Variants in GRIK3 observed in about 807,000 individuals in gnomAD.
The protein encoded by GRIK3 is glutamate ionotropic receptor kainate type subunit 3, also known as glutamate receptor ionotropic, kainate 3.
GRIK3 carries 29 observed loss-of-function variants against 102.5 expected under a neutral mutation model. The ratio of observed to expected loss-of-function variants is 0.28; its 90% CI spans 0.21 to 0.39. The LOEUF is 0.39. GRIK3 is among the 10% of genes least tolerant of loss of function. The pLI is 1.00. For synonymous variants in GRIK3, 511 were observed against 504.9 expected (o/e 1.01, Z -0.16); for missense variants, 908 against 1,252.4 (o/e 0.73, Z 4.15).
chr1:36,901,406 T>C (rs1269187303), intron 1 of GRIK3, among the ~76,000 whole-genome samples: 2 of 152,140 alleles, frequency 1.3e-5, no homozygotes, highest in African/African-American at 4.8e-5. Context: ...TGTAATCCAT[T>C]ATATCAGTAT....
At position 36,841,967 on chromosome 1, in the gene GRIK3, C is replaced by A. The variant is rs375374015; in HGVS notation, c.1327-28G>T. The A allele has an allele frequency of 3.1e-6, 5 of 1,588,810 alleles. No homozygotes were observed. The South Asian group carries it at 5.5e-5, about 18-fold the overall frequency. ...GCAGAGACAGATGGGCAGGGTGTGA[C>A]GAAGACTGAGCAGCTAGGGCGGAGG... On this transcript the variant is annotated intron_variant, in intron 9 of 15. Transcript: ENST00000373091.
intron 12 of GRIK3, among the ~76,000 whole-genome samples, chr1:36,818,900 G>T (rs1388572499): frequency 6.6e-6 from 1 of 152,184 alleles, no homozygotes; most frequent in African/African-American, 2.4e-5. Context: ...TAAGATAAGA[G>T]ACTCTGGACA....
At chr1:36,882,410 G>A (rs1225291569) in intron 2 of GRIK3, among the ~76,000 whole-genome samples, 1 of 152,156 alleles carries the variant, frequency 6.6e-6, no homozygotes, top group African/African-American at 2.4e-5. Flanking sequence ...CTCAAAATGG[G>A]GGATTCTGCC....
chr1:36,846,356 G>T lies in GRIK3; in HGVS notation c.1326+3955C>A, dbSNP rs144680146. ...AGGCATCTTTAGCACCTAACGCTGGGGGTTTAGGAGAGGGGAGAATAGCAG... is the reference window on the plus strand; with the variant it reads ...AGGCATCTTTAGCACCTAACGCTGGTGGTTTAGGAGAGGGGAGAATAGCAG... On this transcript the variant is annotated intron_variant, in intron 9 of 15. Transcript: ENST00000373091. Among the ~76,000 whole-genome samples, 490 of 152,302 alleles carry T rather than the reference G, an allele frequency of 3.2e-3. 3 individuals carry two copies. Among genetic ancestry groups the T allele is most frequent in the African/African-American group, 0.01 (425 of 41,570 alleles).
At chr1:36,838,565 C>G (rs561352120) in intron 10 of GRIK3, among the ~76,000 whole-genome samples, 11 of 152,256 alleles carry the variant, frequency 7.2e-5, no homozygotes, top group Non-Finnish European at 1.6e-4. Context: ...CCCCATCTTC[C>G]TCTGTAACCC....
intron 1 of GRIK3, among the ~76,000 whole-genome samples, chr1:37,009,643 A>G (rs184624025): frequency 6.6e-6 from 1 of 152,254 alleles, no homozygotes; most frequent in East Asian, 1.9e-4. Context: ...AGCCCATGTT[A>G]CCAGAGTTCA....
In GRIK3 at chr1:36,795,630, C is replaced by T. The variant is rs1411467248; in HGVS notation, c.*6221G>A. Reference sequence around the variant, plus strand: ...ACAGTGTCTTAAAAAGGAAAATAATCAGATTTGTTTGGAAATTTATTTACA... The same window carrying T: ...ACAGTGTCTTAAAAAGGAAAATAATTAGATTTGTTTGGAAATTTATTTACA... On this transcript the variant is annotated 3_prime_UTR_variant, in exon 16 of 16. Transcript: ENST00000373091. 1.3e-5 allele frequency: 2 copies of T among 152,182 alleles called. No individual in the cohort carries two copies. The highest frequency in any genetic ancestry group is 2.9e-5 in the Non-Finnish European group (2 of 68,034). The allele number at this position is 152,182 out of a possible 1,614,324, so 9.4% of individuals were successfully genotyped here.
At chr1:36,846,541 C>A (rs1295414953) in intron 9 of GRIK3, among the ~76,000 whole-genome samples, 2 of 152,190 alleles carry the variant, frequency 1.3e-5, no homozygotes, top group Admixed American at 1.3e-4. Context: ...TACCTTGGGA[C>A]CTGCCTGTCA....
chr1:36,870,774 C>T (rs1432360090), intron 4 of GRIK3, among the ~76,000 whole-genome samples: 1 of 152,198 alleles, frequency 6.6e-6, no homozygotes, highest in Non-Finnish European at 1.5e-5. Context: ...CCTCAGTTTC[C>T]TTACCTATAA....
At chr1:37,002,281 T>C (rs1320553041) in intron 1 of GRIK3, among the ~76,000 whole-genome samples, 2 of 152,216 alleles carry the variant, frequency 1.3e-5, no homozygotes, top group Non-Finnish European at 2.9e-5. Context: ...GTTGGGCATA[T>C]AGTCAAAGAA....
chr1:36,961,994 A>G (rs1642015880), intron 1 of GRIK3, among the ~76,000 whole-genome samples: 1 of 152,156 alleles, frequency 6.6e-6, no homozygotes, highest in African/African-American at 2.4e-5. Flanking sequence ...TGCTCTGGGG[A>G]TGCAGATGAA....
At chr1:36,822,739 G>T (rs1642709575) in intron 11 of GRIK3, among the ~76,000 whole-genome samples, 1 of 152,090 alleles carries the variant, frequency 6.6e-6, no homozygotes, top group African/African-American at 2.4e-5. Flanking sequence ...GCTGCAATGT[G>T]GCCCCCAGGA....
At chr1:36,973,822 C>T (rs1642168785) in intron 1 of GRIK3, among the ~76,000 whole-genome samples, 1 of 152,202 alleles carries the variant, frequency 6.6e-6, no homozygotes, top group Non-Finnish European at 1.5e-5. Context: ...TATGATGCTG[C>T]GTGCCACATC....
chr1:36,949,767 A>AG lies in GRIK3; in HGVS notation c.116-58672dup, dbSNP rs201463391. On this transcript the variant is annotated intron_variant, in intron 1 of 15. Transcript: ENST00000373091. ...TACTTTTTGTATATTTATTAGAGACAGGGGGGTCACCATGTTGGCCAGGAT... is the reference window on the plus strand; with the variant it reads ...TACTTTTTGTATATTTATTAGAGACAGGGGGGGTCACCATGTTGGCCAGGAT... 6.3e-3 allele frequency among the ~76,000 whole-genome samples: 962 copies of AG among 152,012 alleles called. 6 individuals carry two copies. Among genetic ancestry groups the AG allele is most frequent in the Admixed American group, 0.017 (257 of 15,262 alleles).
chr1:36,968,308 T>A (rs557022241), intron 1 of GRIK3, among the ~76,000 whole-genome samples: 3 of 151,824 alleles, frequency 2.0e-5, no homozygotes, highest in African/African-American at 7.3e-5. Context: ...CATAGATTTA[T>A]TTTTGTCTCC....
chr1:36,848,788 T>TG, intron 9 of GRIK3, among the ~76,000 whole-genome samples: 1 of 152,044 alleles, frequency 6.6e-6, no homozygotes, highest in Admixed American at 6.5e-5. Context: ...ATCACAGGTT[T>TG]TTTTTTTTTT....
chr1:36,942,455 T>C (rs1212583675), intron 1 of GRIK3, among the ~76,000 whole-genome samples: 1 of 152,168 alleles, frequency 6.6e-6, no homozygotes, highest in Non-Finnish European at 1.5e-5. Flanking sequence ...CAGTGAAGTG[T>C]GAATACTCTC....
chr1:37,030,216 T>C (rs1403246336), intron 1 of GRIK3, among the ~76,000 whole-genome samples: 1 of 152,220 alleles, frequency 6.6e-6, no homozygotes, highest in African/African-American at 2.4e-5. Context: ...TTGATCTTCA[T>C]TCAGCTGCTG....
chr1:36,991,158 G>A (rs1334982378), intron 1 of GRIK3, among the ~76,000 whole-genome samples: 1 of 152,196 alleles, frequency 6.6e-6, no homozygotes, highest in Non-Finnish European at 1.5e-5. Flanking sequence ...CTTCTCATCT[G>A]TAAACCAGGA....
Sources: gnomAD v4.1 joint callset for allele counts (sites outside exome capture counted in the v4.1 genomes callset) on GRCh38, gnomAD v4.1.1 for gene constraint, MANE v1.5 for transcripts, NCBI Gene and HGNC (gene_info 2026-07-23, HGNC 2026-07-21) for gene names.